ALG9: variants seen among roughly 807,000 people sequenced by gnomAD.
ALG9 encodes alpha-1,2-mannosyltransferase ALG9.
Under a neutral mutation model 81.8 loss-of-function variants are expected in ALG9, and 55 were observed. The observed-to-expected ratio is 0.67, with a 90% CI of 0.54 to 0.84. ALG9 has a LOEUF of 0.84. Among genes scored for constraint, ALG9 ranks in the 40% least tolerant of loss-of-function variants. ALG9 has a pLI of 0.00. For synonymous variants in ALG9, 278 were observed against 274.3 expected, an observed-to-expected ratio of 1.01 and a Z score of -0.13; for missense variants, 629 against 745.0, an observed-to-expected ratio of 0.84 and a Z score of 1.81.
intron 1 of ALG9, 84 bp from the exon 2 acceptor site, chr11:111,870,454 G>T: frequency 6.9e-7 from 1 of 1,444,348 alleles, no homozygotes; most frequent in Non-Finnish European, 9.1e-7. Flanking sequence ...TAGATAGAAA[G>T]GACAAAAAGG....
intron 1 of ALG9, chr11:111,871,148 C>T: frequency 1.6e-6 from 2 of 1,272,694 alleles, no homozygotes; most frequent in Non-Finnish European, 2.0e-6. Context: ...AGTTTTACAG[C>T]GCAGTGGAGG....
intron 8 of ALG9, chr11:111,845,119 C>A (rs1379348977): frequency 4.6e-6 from 1 of 216,676 alleles, no homozygotes; most frequent in Non-Finnish European, 9.5e-6. Context: ...CAAGATCGCG[C>A]AGACCAAAGG....
intron 13 of ALG9, among the ~76,000 whole-genome samples, chr11:111,810,376 C>T (rs148823481): frequency 1.6e-4 from 24 of 152,088 alleles, no homozygotes; most frequent in Non-Finnish European, 2.9e-5. Flanking sequence ...TGTATATTAA[C>T]AAAAACAGAG....
intron 6 of ALG9, among the ~76,000 whole-genome samples, chr11:111,856,897 G>A (rs991604468): frequency 6.6e-5 from 10 of 151,918 alleles, no homozygotes; most frequent in African/African-American, 2.2e-4. Flanking sequence ...ACCTGAGGTC[G>A]GGAGTTCAAG....
At chr11:111,807,756 A>G (rs1950134430) in intron 14 of ALG9, among the ~76,000 whole-genome samples, 1 of 152,046 alleles carries the variant, frequency 6.6e-6, no homozygotes, top group Admixed American at 6.6e-5. Flanking sequence ...GTGCTACTGC[A>G]CTCCAGACTG....
the ALG9 span, among the ~76,000 whole-genome samples, chr11:111,773,742 T>C: frequency 7.3e-6 from 1 of 137,716 alleles, no homozygotes; most frequent in African/African-American, 2.8e-5. Context: ...AATACGAAAA[T>C]CATCTTTTGT....
rs1159417219 is a variant in ALG9 at position 111,793,500 on chromosome 11, G to A, written c.1734-6980C>T. On this transcript the variant is annotated intron_variant, in intron 14 of 14. Transcript: ENST00000616540. Reference sequence around the variant, plus strand: ...GAGCGGGCCAGGCATGGTGGCTCACGCCTGTAATCCCAGCACTTTGGGAGG... The same window carrying A: ...GAGCGGGCCAGGCATGGTGGCTCACACCTGTAATCCCAGCACTTTGGGAGG... 4.6e-5 allele frequency among the ~76,000 whole-genome samples: 7 copies of A among 152,284 alleles called. No homozygotes were observed. In the South Asian group the frequency reaches 1.0e-3, roughly 23 times the overall value.
At chr11:111,835,158 A>G (rs558266772) in intron 13 of ALG9, among the ~76,000 whole-genome samples, 1 of 152,380 alleles carries the variant, frequency 6.6e-6, no homozygotes, top group African/African-American at 2.4e-5. Context: ...GAAAATGTAA[A>G]TTAAATATAG....
chr11:111,787,639 T>C (rs566975472), intron 14 of ALG9, among the ~76,000 whole-genome samples: 64 of 151,612 alleles, frequency 4.2e-4, no homozygotes, highest in African/African-American at 1.4e-3. Context: ...TTGTATTTTT[T>C]AGTAGAGACG....
intron 13 of ALG9, among the ~76,000 whole-genome samples, chr11:111,811,010 A>G (rs1950624075): frequency 6.6e-6 from 1 of 152,214 alleles, no homozygotes; most frequent in Admixed American, 6.5e-5. Flanking sequence ...GAAGAAACAG[A>G]AAGGAAGAAA....
rs144250548 is a variant in ALG9 at position 111,812,504 on chromosome 11, C to A, written c.1603-2731G>T. Among the ~76,000 whole-genome samples the A allele has an allele frequency of 3.0e-4, 46 of 152,176 alleles. No homozygotes were observed. The Middle Eastern group carries it at 0.01, about 34-fold the overall frequency. ...ATTGCTTGAGCCCAGGAGGTCAAGACAGCAGTAAGCTATGATCATGCCACT... is the reference window on the plus strand; with the variant it reads ...ATTGCTTGAGCCCAGGAGGTCAAGAAAGCAGTAAGCTATGATCATGCCACT... On this transcript the variant is annotated intron_variant, in intron 13 of 14. Transcript: ENST00000616540.
intron 13 of ALG9, among the ~76,000 whole-genome samples, chr11:111,835,402 TAA>T (rs1407457738): frequency 1.3e-5 from 2 of 152,210 alleles, no homozygotes; most frequent in Non-Finnish European, 2.9e-5. Context: ...TCAGAATGTG[TAA>T]AGACAAGTAG....
intron 13 of ALG9, among the ~76,000 whole-genome samples, chr11:111,824,035 A>T (rs189332414): frequency 1.4e-3 from 216 of 152,358 alleles, no homozygotes; most frequent in Non-Finnish European, 2.7e-3. Flanking sequence ...CTTAGTTCTC[A>T]ACAACATATC....
chr11:111,870,386 A>AC lies in ALG9; in HGVS notation c.132-17_132-16insG, dbSNP rs1555157406. The AC allele has an allele frequency of 2.2e-4, 261 of 1,166,740 alleles. No individual in the cohort carries two copies. The highest frequency in any genetic ancestry group is 9.4e-4 in the Middle Eastern group (4 of 4,254). 72.3% of individuals were successfully genotyped at this position (1,166,740 alleles called of 1,614,324 possible). On this transcript the variant is annotated splice_polypyrimidine_tract_variant and intron_variant, in intron 1 of 14. Coordinates refer to ENST00000616540, the MANE Select transcript of ALG9 (RefSeq NM_024740.2). ...CCCAGATAACCTGTTCAAAAGCAAA[A>AC]AAAAAAAAAAAAAAAAAAGCATGTC...
At chr11:111,868,042 G>A (rs1285696775) in intron 3 of ALG9, among the ~76,000 whole-genome samples, 1 of 152,088 alleles carries the variant, frequency 6.6e-6, no homozygotes, top group Non-Finnish European at 1.5e-5. Context: ...TCCAGAAGAA[G>A]AGGAAACCGG....
chr11:111,775,962 C>T, the ALG9 span, among the ~76,000 whole-genome samples: 1 of 152,102 alleles, frequency 6.6e-6, no homozygotes, highest in African/African-American at 2.4e-5. Flanking sequence ...TTAATAATAT[C>T]TCCAAGCATC....
chr11:111,796,990 A>G (rs1948389495), intron 14 of ALG9, among the ~76,000 whole-genome samples: 1 of 152,214 alleles, frequency 6.6e-6, no homozygotes, highest in Non-Finnish European at 1.5e-5. Flanking sequence ...GCAGATGGAA[A>G]AAGCCTGCTG....
chr11:111,796,048 TA>T (rs1402140323), intron 14 of ALG9, among the ~76,000 whole-genome samples: 20 of 152,192 alleles, frequency 1.3e-4, no homozygotes, highest in African/African-American at 4.8e-4. Context: ...ATAGAAGGAT[TA>T]GGGGTCACAT....
At chr11:111,824,875 T>A (rs1238146173) in intron 13 of ALG9, among the ~76,000 whole-genome samples, 2 of 152,216 alleles carry the variant, frequency 1.3e-5, no homozygotes, top group African/African-American at 4.8e-5. Flanking sequence ...AGGCTTTGAA[T>A]TAGTTTCCAT....
Sources: gnomAD v4.1 joint callset for allele counts (sites outside exome capture counted in the v4.1 genomes callset) on GRCh38, gnomAD v4.1.1 for gene constraint, MANE v1.5 for transcripts, NCBI Gene and HGNC (gene_info 2026-07-23, HGNC 2026-07-21) for gene names.